PTTG1IP: variants seen among roughly 807,000 people sequenced by gnomAD.
PTTG1IP encodes pituitary tumor-transforming gene 1 protein-interacting protein.
PTTG1IP carries 16 observed loss-of-function variants against 24.4 expected under a neutral mutation model. That is an observed-to-expected ratio of 0.66 (90% CI 0.44 to 1.00). The LOEUF (loss-of-function observed/expected upper bound fraction) is 1.00, where lower values mean the gene tolerates loss of function less well. Ranked by LOEUF, PTTG1IP falls within the 50% of genes least tolerant of loss-of-function variation. PTTG1IP has a pLI of 0.00. For synonymous variants in PTTG1IP, 89 were observed against 96.8 expected (o/e 0.92, Z 0.47); for missense variants, 241 against 245.8 (o/e 0.98, Z 0.13).
chr21:44,861,877 T>C (rs1569324373), intron 2 of PTTG1IP: 5 of 716,886 alleles, frequency 7.0e-6, no homozygotes, highest in South Asian at 5.9e-5. Flanking sequence ...TGGGTGAGCA[T>C]GGTCACCATC....
chr21:44,867,627 T>C (rs1325885627), intron 1 of PTTG1IP, among the ~76,000 whole-genome samples: 3 of 152,274 alleles, frequency 2.0e-5, no homozygotes, highest in East Asian at 1.9e-4. Context: ...AGCACGCTCA[T>C]GTCTGTGACT....
At chr21:44,862,277 T>C (rs560646093) in intron 2 of PTTG1IP, among the ~76,000 whole-genome samples, 1 of 152,174 alleles carries the variant, frequency 6.6e-6, no homozygotes, top group Non-Finnish European at 1.5e-5. Flanking sequence ...TCCCAGCACT[T>C]TGGGAGGCCA....
chr21:44,866,755 C>A (rs955334217), intron 1 of PTTG1IP, among the ~76,000 whole-genome samples: 1 of 152,040 alleles, frequency 6.6e-6, no homozygotes, highest in Non-Finnish European at 1.5e-5. Flanking sequence ...AGTCACCAGA[C>A]AAAGGCAAAT....
chr21:44,865,482 G>T (rs1436778322), intron 1 of PTTG1IP, 35 bp from the exon 2 acceptor site: 2 of 1,609,218 alleles, frequency 1.2e-6, no homozygotes, highest in Non-Finnish European at 1.7e-6. Context: ...GTCAGTCACT[G>T]AGAATCAGGC....
intron 3 of PTTG1IP, among the ~76,000 whole-genome samples, chr21:44,860,195 C>T (rs1479034117): frequency 3.9e-5 from 6 of 152,028 alleles, no homozygotes; most frequent in African/African-American, 9.7e-5. Flanking sequence ...AGTGAAACCC[C>T]GTCTCTACTA....
chr21:44,861,169 A>G lies in PTTG1IP; in HGVS notation c.271T>C (p.Cys91Arg). The part of the protein sequence containing the change: ...CKLSSARWGV[C>R]WVNFEALIIT... ...AATGAAAACAATGACTTACCCCAAC[A>G]AACTCCCCAGCGTGCAGAGCTCAAT... Residue 91 changes from cysteine (C) to arginine (R), a missense_variant, in exon 3 of 6, where the codon TGT becomes CGT. Physicochemically the swap from Cys to Arg is radical, Grantham distance 180. Transcript: ENST00000330938. 1 of 1,611,836 alleles carries G rather than the reference A, an allele frequency of 6.2e-7. No individual in the cohort carries two copies. The highest frequency in any genetic ancestry group is 8.5e-7 in the Non-Finnish European group (1 of 1,178,798).
At chr21:44,867,576 T>G (rs954367555) in intron 1 of PTTG1IP, among the ~76,000 whole-genome samples, 1 of 152,184 alleles carries the variant, frequency 6.6e-6, no homozygotes, top group African/African-American at 2.4e-5. Flanking sequence ...ACAAGACAAC[T>G]GCTGAACTCT....
At chr21:44,864,543 C>A (rs1480928153) in intron 2 of PTTG1IP, among the ~76,000 whole-genome samples, 1 of 152,204 alleles carries the variant, frequency 6.6e-6, no homozygotes, top group Non-Finnish European at 1.5e-5. Context: ...ATTACAGGCA[C>A]CCGCCACCAC....
chr21:44,867,537 C>T (rs1016127371), intron 1 of PTTG1IP, among the ~76,000 whole-genome samples: 1 of 152,286 alleles, frequency 6.6e-6, no homozygotes, highest in African/African-American at 2.4e-5. Flanking sequence ...CACATATTCC[C>T]GTAAGAAAAA....
intron 2 of PTTG1IP, 83 bp from the exon 3 acceptor site, chr21:44,861,354 T>C: frequency 1.7e-6 from 2 of 1,164,630 alleles, no homozygotes; most frequent in Non-Finnish European, 2.5e-6. Flanking sequence ...AGCCCGCCAG[T>C]GCTGCCATCG....
intron 1 of PTTG1IP, among the ~76,000 whole-genome samples, chr21:44,870,323 C>T (rs1180507003): frequency 1.3e-5 from 2 of 152,074 alleles, no homozygotes; most frequent in Non-Finnish European, 2.9e-5. Context: ...GGCAGATCAC[C>T]TGAGGTCAGG....
chr21:44,851,539 T>G lies in PTTG1IP; in HGVS notation c.*42A>C. 1 of 1,613,762 alleles carries G rather than the reference T, an allele frequency of 6.2e-7. No individual in the cohort carries two copies. The highest frequency in any genetic ancestry group is 1.1e-5 in the South Asian group (1 of 91,086). ...CCCGGCTGGGCTGGGCTGCGGAGCG[T>G]GCACCTCACAGGAAGCGTCGGGACT... On this transcript the variant is annotated 3_prime_UTR_variant, in exon 6 of 6. Transcript: ENST00000330938.
chr21:44,868,610 A>T (rs1347046617), intron 1 of PTTG1IP, among the ~76,000 whole-genome samples: 3 of 152,250 alleles, frequency 2.0e-5, no homozygotes, highest in Non-Finnish European at 2.9e-5. Context: ...ATCTGGGCCA[A>T]GTGAACATCA....
rs1020114668 is a variant in PTTG1IP at position 44,851,168 on chromosome 21, C to A, written c.*413G>T. On this transcript the variant is annotated 3_prime_UTR_variant, in exon 6 of 6. Transcript: ENST00000330938. ...GAGGGCTGGTCAGTTCTCCTCATGA[C>A]AAAAGTCAAACCGACTTCCCTGTGT... is the stretch of plus-strand genomic sequence containing the variant. 7.4e-6 allele frequency: 5 copies of A among 675,770 alleles called. No individual in the cohort carries two copies. The African/African-American group carries it at 9.0e-5, about 12-fold the overall frequency. 41.9% of individuals were successfully genotyped at this position (675,770 alleles called of 1,614,324 possible).
Position 44,865,465 on chromosome 21 carries a change from G to T in PTTG1IP, c.116-18C>A. 6.2e-7 allele frequency: 1 copy of T among 1,613,872 alleles called. No individual in the cohort carries two copies. ...AGAACAAGCTGCAGGAAAGAGGCAA[G>T]AGACAAGTCAGTCACTGAGAATCAG... On this transcript the variant is annotated intron_variant, in intron 1 of 5. Transcript: ENST00000330938.
intron 5 of PTTG1IP, 101 bp from the exon 6 acceptor site, chr21:44,851,728 C>T: frequency 7.1e-7 from 1 of 1,412,492 alleles, no homozygotes; most frequent in Non-Finnish European, 9.6e-7. Context: ...TTTACTGAGG[C>T]TATAGCAACA....
rs751657398 is a variant in PTTG1IP, at chr21:44,873,632, C to T, written c.-16G>A. On this transcript the variant is annotated 5_prime_UTR_variant, in exon 1 of 6. Transcript: ENST00000330938. ...CGGGCGCCATGGTCGGCCGGTCGCTCTATCAGTCAGTGGAGCGTTACAACT... is the reference window on the plus strand; with the variant it reads ...CGGGCGCCATGGTCGGCCGGTCGCTTTATCAGTCAGTGGAGCGTTACAACT... 3 of 1,412,774 alleles carry T rather than the reference C, an allele frequency of 2.1e-6. No individual in the cohort carries two copies. In the South Asian group the frequency reaches 4.3e-5, roughly 20 times the overall value. 87.5% of individuals were successfully genotyped at this position (1,412,774 alleles called of 1,614,324 possible). A position where few individuals can be genotyped will look rare whatever the true frequency, so the allele number is the denominator to read the frequency against.
At chr21:44,854,235 T>C (rs9985043) in intron 5 of PTTG1IP, among the ~76,000 whole-genome samples, 12,613 of 152,068 alleles carry the variant, frequency 0.083, 735 homozygotes, top group African/African-American at 0.15. Context: ...AAATATATGA[T>C]ATTCCCTAAA....
rs2083408652 is a variant in PTTG1IP, at chr21:44,851,318, GT to G, written c.*262del. The G allele has an allele frequency of 6.7e-7, 1 of 1,484,380 alleles. No individual in the cohort carries two copies. Among genetic ancestry groups the G allele is most frequent in the Admixed American group, 2.2e-5 (1 of 46,234 alleles). 92.0% of individuals were successfully genotyped at this position (1,484,380 alleles called of 1,614,324 possible). The stretch of plus-strand genomic sequence containing the variant: ...GTTAGCGTTTCACAAACTGAGAAGA[GT>G]ATAAAAAAGCCCAAACCCCAAAGAT... On this transcript the variant is annotated 3_prime_UTR_variant, in exon 6 of 6. Coordinates refer to ENST00000330938, the MANE Select transcript of PTTG1IP (RefSeq NM_004339.4).
Sources: allele counts gnomAD v4.1 joint callset (sites outside exome capture counted in the v4.1 genomes callset), GRCh38; gene constraint gnomAD v4.1.1; transcripts MANE v1.5; gene names NCBI Gene and HGNC (gene_info 2026-07-23, HGNC 2026-07-21).